RFX3: variants seen among roughly 807,000 people sequenced by gnomAD.
RFX3 encodes the protein transcription factor RFX3.
Under a neutral mutation model 98.6 loss-of-function variants are expected in RFX3, and 14 were observed. That is an observed-to-expected ratio of 0.14 (90% confidence interval 0.09 to 0.22). RFX3 has a LOEUF of 0.22. RFX3 is among the 10% of genes least tolerant of loss of function. The pLI is 1.00. For missense variants in RFX3, 639 were observed against 926.9 expected (o/e 0.69, Z 4.03); for synonymous variants, 383 against 328.4 (o/e 1.17, Z -1.80).
chr9:3,286,061 C>T (rs1336366527), intron 7 of RFX3, among the ~76,000 whole-genome samples: 1 of 151,802 alleles, frequency 6.6e-6, no homozygotes, highest in Non-Finnish European at 1.5e-5. Flanking sequence ...TGGGCTTCAA[C>T]TGTCTTAGGT....
intron 5 of RFX3, among the ~76,000 whole-genome samples, chr9:3,301,005 C>A (rs1032356674): frequency 1.3e-5 from 2 of 151,678 alleles, no homozygotes; most frequent in East Asian, 3.9e-4. Context: ...TCTTTTGGTT[C>A]ACTTTTACTT....
At chr9:3,403,981 A>C (rs1450383505) in intron 1 of RFX3, among the ~76,000 whole-genome samples, 1 of 152,156 alleles carries the variant, frequency 6.6e-6, no homozygotes, top group Non-Finnish European at 1.5e-5. Flanking sequence ...TCTTTTAATA[A>C]AAGTGCAGAA....
At chr9:3,421,043 G>C (rs1006527995) in intron 1 of RFX3, 33 of 393,990 alleles carry the variant, frequency 8.4e-5, no homozygotes, top group Non-Finnish European at 1.0e-4. Context: ...AAAACAAGAA[G>C]GCAACAAATA....
chr9:3,304,666 T>G (rs556165806), intron 4 of RFX3, among the ~76,000 whole-genome samples: 17 of 152,136 alleles, frequency 1.1e-4, no homozygotes, highest in Non-Finnish European at 2.4e-4. Context: ...GGTTTCCCCT[T>G]TTGCTTGGCT....
chr9:3,219,201 T>C lies in RFX3; in HGVS notation c.*5841A>G, dbSNP rs1315151788. The C allele has an allele frequency of 6.6e-6, 1 of 152,176 alleles. No homozygotes were observed. Among genetic ancestry groups the C allele is most frequent in the Non-Finnish European group, 1.5e-5 (1 of 68,016 alleles). 9.4% of individuals were successfully genotyped at this position (152,176 alleles called of 1,614,324 possible). On this transcript the variant is annotated 3_prime_UTR_variant, in exon 17 of 17. Transcript: ENST00000617270. ...AACGAATAAAGTTCAATAGATTCTTTATTGGGTCATTTAAAATTGTTGTTT... is the reference window on the plus strand; with the variant it reads ...AACGAATAAAGTTCAATAGATTCTTCATTGGGTCATTTAAAATTGTTGTTT...
At chr9:3,458,503 T>A (rs1847391372) in intron 1 of RFX3, among the ~76,000 whole-genome samples, 1 of 152,186 alleles carries the variant, frequency 6.6e-6, no homozygotes, top group African/African-American at 2.4e-5. Context: ...AATTTACCTA[T>A]GGAGTAGAAG....
Position 3,371,620 on chromosome 9 carries a change from T to C in RFX3, c.117+23852A>G, listed in dbSNP as rs989506323. Among the ~76,000 whole-genome samples the C allele has an allele frequency of 5.3e-5, 8 of 152,208 alleles. No individual in the cohort carries two copies. The East Asian group carries it at 7.7e-4, about 15-fold the overall frequency. Reference sequence around the variant, plus strand: ...TTGTATTATCCTGAAAAAGCAGCTATAGAAAATAGACTCATCAACTTAAGT... The same window carrying C: ...TTGTATTATCCTGAAAAAGCAGCTACAGAAAATAGACTCATCAACTTAAGT... On this transcript the variant is annotated intron_variant, in intron 2 of 16. Coordinates refer to ENST00000617270, the MANE Select transcript of RFX3 (RefSeq NM_001282116.2).
intron 14 of RFX3, among the ~76,000 whole-genome samples, chr9:3,255,879 C>T (rs1822068563): frequency 6.6e-6 from 1 of 152,114 alleles, no homozygotes; most frequent in African/African-American, 2.4e-5. Context: ...AGCTATGTTA[C>T]TGTCTACGAG....
chr9:3,502,555 C>T (rs1816142240), intron 1 of RFX3, among the ~76,000 whole-genome samples: 1 of 152,164 alleles, frequency 6.6e-6, no homozygotes, highest in African/African-American at 2.4e-5. Flanking sequence ...TCTCACAGAA[C>T]TTTCAGTCTT....
intron 15 of RFX3, chr9:3,247,302 T>A: frequency 3.0e-6 from 3 of 987,540 alleles, no homozygotes; most frequent in Non-Finnish European, 3.6e-6. Flanking sequence ...TGATGACTAT[T>A]CAGAAATTCT....
At chr9:3,474,807 A>C (rs1849082241) in intron 1 of RFX3, among the ~76,000 whole-genome samples, 3 of 152,184 alleles carry the variant, frequency 2.0e-5, no homozygotes, top group African/African-American at 7.2e-5. Flanking sequence ...GAAAATGACC[A>C]AACTAGCAGC....
At chr9:3,296,745 G>A (rs1828040800) in intron 5 of RFX3, among the ~76,000 whole-genome samples, 1 of 151,994 alleles carries the variant, frequency 6.6e-6, no homozygotes, top group Non-Finnish European at 1.5e-5. Context: ...GTCAAGTGGA[G>A]GTAAAAGCCC....
rs1348220671 is a variant in RFX3, at chr9:3,525,935, AGAGAGGGAGAGAGAGAGAGAGC to A, written c.-219_-198del. On this transcript the variant is annotated 5_prime_UTR_variant, in exon 1 of 17. Transcript: ENST00000617270. ...TTGCTATAACTCACAAAAGAGAGAGAGAGAGGGAGAGAGAGAGAGAGCGAGAGGGAGAGGGAGACACTCGCAC... is the reference window on the plus strand; with the variant it reads ...TTGCTATAACTCACAAAAGAGAGAGAGAGAGGGAGAGGGAGACACTCGCAC... 2.2e-6 allele frequency: 2 copies of A among 923,344 alleles called. No individual in the cohort carries two copies. Among genetic ancestry groups the A allele is most frequent in the Non-Finnish European group, 2.6e-6 (2 of 779,690 alleles). The allele number at this position is 923,344 out of a possible 1,614,324, so 57.2% of individuals were successfully genotyped here.
chr9:3,415,011 CAT>C (rs1025330783), intron 1 of RFX3, among the ~76,000 whole-genome samples: 6 of 132,412 alleles, frequency 4.5e-5, no homozygotes, highest in Admixed American at 7.9e-5. Context: ...TATATATACT[CAT>C]ATATATACTT....
chr9:3,506,172 A>G (rs1367088623), intron 1 of RFX3, among the ~76,000 whole-genome samples: 1 of 151,642 alleles, frequency 6.6e-6, no homozygotes, highest in Non-Finnish European at 1.5e-5. Flanking sequence ...CACTAATTAA[A>G]ATGAGGGCTG....
intron 1 of RFX3, among the ~76,000 whole-genome samples, chr9:3,501,349 AC>A (rs1815978179): frequency 6.6e-6 from 1 of 152,098 alleles, no homozygotes. Context: ...GTAAACAAGA[AC>A]TTGACTTACA....
Position 3,257,239 on chromosome 9 carries a change from C to T in RFX3, c.1606-40G>A, listed in dbSNP as rs1022170367. ...CAGAAAGAAAAGGAAAAGTTCAATT[C>T]AGCATCCTTTCATTGAATGCCAGCA... On this transcript the variant is annotated intron_variant, in intron 13 of 16. Coordinates refer to ENST00000617270, the MANE Select transcript of RFX3 (RefSeq NM_001282116.2). The T allele has an allele frequency of 5.1e-6, 8 of 1,572,402 alleles. No individual in the cohort carries two copies. The African/African-American group carries it at 9.5e-5, about 19-fold the overall frequency.
At chr9:3,494,282 T>C (rs539603243) in intron 1 of RFX3, among the ~76,000 whole-genome samples, 1 of 152,302 alleles carries the variant, frequency 6.6e-6, no homozygotes, top group East Asian at 1.9e-4. Flanking sequence ...TCTTTTGTGA[T>C]AAGCAGAGTT....
rs370114878 is a variant in RFX3 at position 3,382,879 on chromosome 9, A to G, written c.117+12593T>C. 7.4e-4 allele frequency among the ~76,000 whole-genome samples: 112 copies of G among 152,200 alleles called. 2 individuals are homozygous for G. In the East Asian group the frequency reaches 0.016, roughly 21 times the overall value. ...TGGTTTAAACTGGATATTTTTTTGA[A>G]GAGCTCTTATTGCTTAGAATATATA... On this transcript the variant is annotated intron_variant, in intron 2 of 16. Coordinates refer to ENST00000617270, the MANE Select transcript of RFX3 (RefSeq NM_001282116.2).
Sources: gnomAD v4.1 joint callset for allele counts (sites outside exome capture counted in the v4.1 genomes callset) on GRCh38, gnomAD v4.1.1 for gene constraint, MANE v1.5 for transcripts, NCBI Gene and HGNC (gene_info 2026-07-23, HGNC 2026-07-21) for gene names.